BABAM2: variants seen among roughly 807,000 people sequenced by gnomAD.
BABAM2 encodes BRISC and BRCA1 A complex member 2, also known as BRISC and BRCA1-A complex member 2.
A neutral mutation model predicts 54.7 loss-of-function variants in BABAM2; 31 were observed. That is an observed-to-expected ratio of 0.57 (90% CI 0.43 to 0.77). The LOEUF (loss-of-function observed/expected upper bound fraction) is 0.77. BABAM2 is among the 30% of genes least tolerant of loss of function. The pLI, the probability that BABAM2 is intolerant of heterozygous loss-of-function variation, is 0.00. For synonymous variants in BABAM2, 167 were observed against 162.9 expected (o/e 1.03, Z -0.19); for missense variants, 364 against 455.8 (o/e 0.80, Z 1.83).
At chr2:27,962,142 C>G (rs538188121) in intron 3 of BABAM2, among the ~76,000 whole-genome samples, 1 of 152,132 alleles carries the variant, frequency 6.6e-6, no homozygotes, top group Non-Finnish European at 1.5e-5. Flanking sequence ...AGATCTCACT[C>G]TGTGTCACCC....
rs1422890589 is a variant in BABAM2, at chr2:28,304,933, C to G, written c.1088+6442C>G. Among the ~76,000 whole-genome samples the G allele has an allele frequency of 1.3e-5, 2 of 152,146 alleles. No homozygotes were observed. The highest frequency in any genetic ancestry group is 2.9e-5 in the Non-Finnish European group (2 of 68,030). ...GCTCAGGCAATCCACCTGCCTTGGC[C>G]TCCCAAAGCACTAGGATTACAGGCA... On this transcript the variant is annotated intron_variant, in intron 11 of 11. Transcript: ENST00000379624. This position sits in a 1 kb window ranked among gnomAD's most constrained non-coding sequence, Gnocchi z 4.0.
intron 10 of BABAM2, among the ~76,000 whole-genome samples, chr2:28,286,452 A>G (rs774534949): frequency 4.6e-5 from 7 of 152,148 alleles, no homozygotes; most frequent in East Asian, 1.9e-4. Flanking sequence ...ACAGTTTGCA[A>G]TCTTTATCCA....
intron 6 of BABAM2, among the ~76,000 whole-genome samples, chr2:28,118,182 T>C (rs1668766738): frequency 2.0e-5 from 3 of 152,190 alleles, no homozygotes; most frequent in African/African-American, 7.2e-5. Flanking sequence ...AGTAAACCTA[T>C]GTATGCATGT....
intron 6 of BABAM2, among the ~76,000 whole-genome samples, chr2:28,104,570 A>G (rs1405749170): frequency 1.3e-5 from 2 of 152,196 alleles, no homozygotes; most frequent in African/African-American, 2.4e-5. Flanking sequence ...GAGAAATAGG[A>G]ACACTTTTAC....
At chr2:28,310,610 G>A (rs1467126943) in intron 11 of BABAM2, among the ~76,000 whole-genome samples, 1 of 152,198 alleles carries the variant, frequency 6.6e-6, no homozygotes, top group African/African-American at 2.4e-5. Flanking sequence ...TGGGCTGGGC[G>A]TGGTGGCTCA....
At chr2:27,951,521 GT>G (rs760745795) in intron 3 of BABAM2, among the ~76,000 whole-genome samples, 4 of 151,986 alleles carry the variant, frequency 2.6e-5, no homozygotes, top group African/African-American at 4.8e-5. Context: ...ATTGAGATTT[GT>G]TTTATGGCCC....
intron 4 of BABAM2, among the ~76,000 whole-genome samples, chr2:28,024,460 C>G (rs1336136277): frequency 6.6e-6 from 1 of 151,914 alleles, no homozygotes; most frequent in Admixed American, 6.6e-5. Context: ...TTTATAAAGT[C>G]ATAACCCTTG....
intron 6 of BABAM2, among the ~76,000 whole-genome samples, chr2:28,126,376 G>A (rs1323016006): frequency 1.4e-5 from 2 of 145,040 alleles, no homozygotes; most frequent in Non-Finnish European, 3.0e-5. Flanking sequence ...TCCCACCTAT[G>A]AGTGAGAACA....
upstream of BABAM2, chr2:27,890,399 C>T (rs1664719649): frequency 1.9e-6 from 3 of 1,540,610 alleles, no homozygotes; most frequent in African/African-American, 4.1e-5. This position sits in a 1 kb window ranked among gnomAD's most constrained non-coding sequence, Gnocchi z 4.8. Context: ...CTTTGCCCGA[C>T]CCCGTAACCA....
chr2:28,025,319 C>T lies in BABAM2; in HGVS notation c.394C>T (p.Leu132Phe), dbSNP rs1573416625. The T allele has an allele frequency of 1.2e-6, 2 of 1,613,198 alleles. No individual in the cohort carries two copies. The highest frequency in any genetic ancestry group is 1.7e-6 in the Non-Finnish European group (2 of 1,179,786). ...ATATCACCAATTCCAATGTAGCCGC[C>T]TCCGGGAGAGCTCCCGCCTCATGTT... The part of the protein sequence containing the change: ...QQYHQFQCSR[L>F]RESSRLMFEY... The change falls in exon 5 of 12, where the codon CTC becomes TTC. Residue 132 changes from leucine to phenylalanine, a missense_variant. Transcript: ENST00000379624.
chr2:28,261,330 T>G (rs1450731639), intron 10 of BABAM2, among the ~76,000 whole-genome samples: 4 of 66,390 alleles, frequency 6.0e-5, no homozygotes, highest in Non-Finnish European at 1.2e-4. Flanking sequence ...TACTTAGAAT[T>G]TTTTTTTTTT....
intron 10 of BABAM2, among the ~76,000 whole-genome samples, chr2:28,253,402 A>G (rs1294404484): frequency 2.3e-5 from 2 of 86,760 alleles, no homozygotes; most frequent in Non-Finnish European, 4.7e-5. Context: ...ACTTTGTCTC[A>G]AAAAAAAAAA....
chr2:28,095,755 A>T (rs1228172750), intron 6 of BABAM2, among the ~76,000 whole-genome samples: 2 of 152,192 alleles, frequency 1.3e-5, no homozygotes, highest in Non-Finnish European at 2.9e-5. Context: ...CTGTTTCAAG[A>T]ACAAAGGACG....
At chr2:28,148,081 T>C (rs1452523063) in intron 7 of BABAM2, among the ~76,000 whole-genome samples, 2 of 152,244 alleles carry the variant, frequency 1.3e-5, no homozygotes, top group African/African-American at 4.8e-5. Context: ...AGAAGAGATT[T>C]CTAGGAATGC....
At chr2:28,081,793 C>T (rs75558629) in intron 6 of BABAM2, among the ~76,000 whole-genome samples, 6,270 of 152,160 alleles carry the variant, frequency 0.041, 424 homozygotes, top group African/African-American at 0.14. Context: ...GACCCATTAC[C>T]TTTCAGAAGG....
chr2:28,016,152 A>T, intron 4 of BABAM2: 1 of 1,252,478 alleles, frequency 8.0e-7, no homozygotes, highest in Non-Finnish European at 1.1e-6. Flanking sequence ...TGGAAGAATC[A>T]GAGCTTGATG....
chr2:27,900,697 C>T (rs1202285191), intron 2 of BABAM2, among the ~76,000 whole-genome samples: 2 of 152,034 alleles, frequency 1.3e-5, no homozygotes, highest in African/African-American at 4.8e-5. Context: ...TGCTTACTTT[C>T]TGTTATGCAT....
chr2:28,194,435 A>T (rs1573807366), intron 7 of BABAM2, among the ~76,000 whole-genome samples: 1 of 152,252 alleles, frequency 6.6e-6, no homozygotes, highest in African/African-American at 2.4e-5. Flanking sequence ...ATGGCAACCA[A>T]ACTGACTTTG....
At chr2:28,181,258 G>A (rs1675594952) in intron 7 of BABAM2, among the ~76,000 whole-genome samples, 1 of 152,174 alleles carries the variant, frequency 6.6e-6, no homozygotes, top group Admixed American at 6.5e-5. Context: ...AATAGATAGA[G>A]AAAATGTGGT....
Sources: gnomAD v4.1 joint callset for allele counts (sites outside exome capture counted in the v4.1 genomes callset) on GRCh38, gnomAD v4.1.1 for gene constraint, Gnocchi (gnomAD v3.1) non-coding constraint, MANE v1.5 for transcripts, NCBI Gene and HGNC (gene_info 2026-07-23, HGNC 2026-07-21) for gene names.